The following CENPT variants were observed in gnomAD, a reference collection of about 807,000 sequenced individuals.
CENPT encodes the protein interphase centromere complex protein 22.
CENPT carries 42 observed loss-of-function variants against 59.7 expected under a neutral mutation model. That is an observed-to-expected ratio of 0.70 (90% CI 0.55 to 0.91). CENPT has a LOEUF of 0.91. Among genes scored for constraint, CENPT ranks in the 40% least tolerant of loss-of-function variants. The probability of loss-of-function intolerance (pLI) is 0.00; values close to 1 mark genes in which losing one functional copy is unlikely to be tolerated. For missense variants in CENPT, 716 were observed against 713.4 expected (o/e 1.00, Z -0.04); for synonymous variants, 295 against 289.6 (o/e 1.02, Z -0.19).
At chr16:67,835,814 A>G (rs567488769) in intron 1 of CENPT, among the ~76,000 whole-genome samples, 156 bp from the exon 2 acceptor site, 4 of 152,128 alleles carry the variant, frequency 2.6e-5, no homozygotes, top group Non-Finnish European at 5.9e-5. Context: ...TTCCATGGTT[A>G]CTACCTAAAT....
intron 1 of CENPT, among the ~76,000 whole-genome samples, chr16:67,845,346 C>T (rs2057790136): frequency 6.6e-6 from 1 of 152,182 alleles, no homozygotes. Context: ...AAACTCAAGT[C>T]TCTGTTTCCC....
Position 67,828,597 on chromosome 16 carries a change from T to C in CENPT, c.1458-19A>G. ...ATCTAGGCTGTCAAGAAGGTGGGGATAGAGCAGGCTGAACAGTCTGATCAT... is the reference window on the plus strand; with the variant it reads ...ATCTAGGCTGTCAAGAAGGTGGGGACAGAGCAGGCTGAACAGTCTGATCAT... On this transcript the variant is annotated intron_variant, in intron 14 of 15. Transcript: ENST00000562787. The C allele has an allele frequency of 6.2e-7, 1 of 1,613,946 alleles. No homozygotes were observed. The highest frequency in any genetic ancestry group is 8.5e-7 in the Non-Finnish European group (1 of 1,179,832).
At chr16:67,830,925 G>A (rs2151284705) in intron 10 of CENPT, 2 of 527,836 alleles carry the variant, frequency 3.8e-6, no homozygotes, top group South Asian at 2.4e-5. Context: ...GAATTGGCCA[G>A]CTGATCCTGA....
intron 13 of CENPT, chr16:67,829,182 G>C (rs2057650764): frequency 1.9e-6 from 1 of 516,364 alleles, no homozygotes; most frequent in Non-Finnish European, 3.4e-6. Context: ...TCGTCTTCCA[G>C]GAAGCCTTTT....
At chr16:67,840,927 A>G (rs539238623) in intron 1 of CENPT, among the ~76,000 whole-genome samples, 3 of 150,750 alleles carry the variant, frequency 2.0e-5, no homozygotes, top group East Asian at 1.9e-4. Context: ...TGGGAGGCCG[A>G]GGCGAGCAGA....
chr16:67,841,732 T>C (rs2057762545), intron 1 of CENPT: 2 of 152,236 alleles, frequency 1.3e-5, no homozygotes, highest in African/African-American at 2.4e-5. Context: ...CTGGAGACTT[T>C]GTTTAGATCA....
rs898980268 is a variant in CENPT, at chr16:67,847,506, C to A, written c.-597G>T. 6.6e-6 allele frequency: 1 copy of A among 152,410 alleles called. No homozygotes were observed. 9.4% of individuals were successfully genotyped at this position (152,410 alleles called of 1,614,324 possible). A position where few individuals can be genotyped will look rare whatever the true frequency, so the allele number is the denominator to read the frequency against. On this transcript the variant is annotated 5_prime_UTR_variant, in exon 1 of 16. Coordinates refer to ENST00000562787, the MANE Select transcript of CENPT (RefSeq NM_025082.4). Reference sequence around the variant, plus strand: ...CGGGGCTTGGGCCCCTCACCCTGTTCCCGACCATAGCCCGGCCGGGGTGTA... The same window carrying A: ...CGGGGCTTGGGCCCCTCACCCTGTTACCGACCATAGCCCGGCCGGGGTGTA...
Position 67,829,486 on chromosome 16 carries a change from T to G in CENPT, c.1217A>C (p.Glu406Ala). ...ASPESASSTP[E>A]SLQARRHHQF... is the part of the protein sequence containing the mutation. ...ATGATGTCGCCTGGCCTGGAGAGACTCAGGGGTGCTGGAGGCCGACTCTGG... is the reference window on the plus strand; with the variant it reads ...ATGATGTCGCCTGGCCTGGAGAGACGCAGGGGTGCTGGAGGCCGACTCTGG... Residue 406 changes from glutamate (E) to alanine (A), a missense_variant, in exon 13 of 16, where the codon GAG becomes GCG. Transcript: ENST00000562787. The G allele has an allele frequency of 6.3e-7, 1 of 1,593,000 alleles. No homozygotes were observed. Among genetic ancestry groups the G allele is most frequent in the Non-Finnish European group, 8.5e-7 (1 of 1,174,700 alleles).
chr16:67,842,787 C>G lies in CENPT; in HGVS notation c.-492+4614G>C. On this transcript the variant is annotated intron_variant, in intron 1 of 15. Transcript: ENST00000562787. The surrounding 1 kb of genome is among the most constrained non-coding windows in gnomAD (Gnocchi z 4.9). ...AAGACCTACACGGTACGCGTCCCCACCATCTTCCCGCTGCGCGGCGTCAAT... is the reference window on the plus strand; with the variant it reads ...AAGACCTACACGGTACGCGTCCCCAGCATCTTCCCGCTGCGCGGCGTCAAT... The G allele has an allele frequency of 1.2e-6, 2 of 1,611,320 alleles. No individual in the cohort carries two copies. The highest frequency in any genetic ancestry group is 1.7e-5 in the Admixed American group (1 of 59,764).
rs1437342140 is a variant in CENPT at position 67,843,638 on chromosome 16, C to T, written c.-492+3763G>A. 4.8e-6 allele frequency: 4 copies of T among 835,050 alleles called. No individual in the cohort carries two copies. The African/African-American group carries it at 6.9e-5, about 14-fold the overall frequency. 51.7% of individuals were successfully genotyped at this position (835,050 alleles called of 1,614,324 possible). A position where few individuals can be genotyped will look rare whatever the true frequency, so the allele number is the denominator to read the frequency against. On this transcript the variant is annotated intron_variant, in intron 1 of 15. Coordinates refer to ENST00000562787, the MANE Select transcript of CENPT (RefSeq NM_025082.4). The surrounding 1 kb of genome is among the most constrained non-coding windows in gnomAD (Gnocchi z 5.7). ...GGCAGCTGGACTCTCTTGCTGGTGA[C>T]CTGGCATCCTCAATTGTTTCCTCCT...
chr16:67,839,372 A>C (rs1598148155), intron 1 of CENPT, among the ~76,000 whole-genome samples: 3 of 130,766 alleles, frequency 2.3e-5, no homozygotes, highest in East Asian at 2.2e-4. Context: ...CAAGAACAAA[A>C]CTCCACCTCA....
At chr16:67,835,721 A>G (rs530495156) in intron 1 of CENPT, 63 bp from the exon 2 acceptor site, 13 of 152,332 alleles carry the variant, frequency 8.5e-5, no homozygotes, top group Non-Finnish European at 1.2e-4. Flanking sequence ...AGAACTGTAG[A>G]GAAAAAGCTA....
rs190213128 is a variant in CENPT at position 67,840,920 on chromosome 16, G to A, written c.-491-5262C>T. On this transcript the variant is annotated intron_variant, in intron 1 of 15. Transcript: ENST00000562787. ...CACGCCTGTAATCCTAGCACTTTGG[G>A]AGGCCGAGGCGAGCAGATTGCCTGA... Among the ~76,000 whole-genome samples the A allele has an allele frequency of 7.5e-3, 1,132 of 150,934 alleles. 8 individuals are homozygous for A. The highest frequency in any genetic ancestry group is 0.021 in the African/African-American group (862 of 41,056).
chr16:67,841,010 C>CATACAT (rs1256263734), intron 1 of CENPT, among the ~76,000 whole-genome samples: 19 of 109,380 alleles, frequency 1.7e-4, no homozygotes, highest in South Asian at 1.0e-3. Flanking sequence ...ATACAAAATA[C>CATACAT]ATATATATAT....
At chr16:67,829,397 T>G in intron 13 of CENPT, 26 bp downstream of exon 13, 2 of 1,559,834 alleles carry the variant, frequency 1.3e-6, no homozygotes, top group Non-Finnish European at 1.7e-6. Context: ...AAGAGGCCCA[T>G]GAGGAATGGG....
chr16:67,830,481 G>T lies in CENPT; in HGVS notation c.771C>A (p.Ser257=). The T allele has an allele frequency of 6.2e-7, 1 of 1,614,164 alleles. No homozygotes were observed. The highest frequency in any genetic ancestry group is 8.5e-7 in the Non-Finnish European group (1 of 1,180,016). ...CCCCAGTGTGAGGCGTGCAGGGCAG[G>T]GAGTGATACACGTTGGGGGAGCCAA... ...PMVGSPNVYH[S]LPCTPHTGAE... is the part of the protein sequence containing the mutation. The change falls in exon 11 of 16, where the codon TCC becomes TCA. Residue 257 remains serine, a synonymous_variant. Transcript: ENST00000562787.
At position 67,832,498 on chromosome 16, in the gene CENPT, C is replaced by T; in HGVS notation, c.158G>A (p.Gly53Asp). ...CCCTCTGGCTATCGTCCTTGTTTGG[C>T]CACTCAACTTCCTGGGGGAAGCCGT... ...LETASPRKLS[G>D]QTRTIARGRS... is the part of the protein sequence containing the mutation. The change falls in exon 5 of 16, where the codon GGC (glycine) becomes GAC (aspartate). Residue 53 changes from glycine to aspartate, a missense_variant. Coordinates refer to ENST00000562787, the MANE Select transcript of CENPT (RefSeq NM_025082.4). The T allele has an allele frequency of 6.8e-6, 11 of 1,614,174 alleles. No homozygotes were observed. The highest frequency in any genetic ancestry group is 9.3e-6 in the Non-Finnish European group (11 of 1,180,022).
chr16:67,836,915 G>C (rs2057737596), intron 1 of CENPT, among the ~76,000 whole-genome samples: 1 of 152,090 alleles, frequency 6.6e-6, no homozygotes, highest in African/African-American at 2.4e-5. Flanking sequence ...CTAATTTTTT[G>C]TATTTTTAGT....
At chr16:67,844,437 C>CAG (rs2057783943) in intron 1 of CENPT, among the ~76,000 whole-genome samples, 1 of 152,210 alleles carries the variant, frequency 6.6e-6, no homozygotes, top group Non-Finnish European at 1.5e-5. Flanking sequence ...CCAGTTTGTC[C>CAG]ATGGATTATC....
Sources: allele counts gnomAD v4.1 joint callset (sites outside exome capture counted in the v4.1 genomes callset), GRCh38; gene constraint gnomAD v4.1.1; non-coding constraint Gnocchi (gnomAD v3.1); transcripts MANE v1.5; gene names NCBI Gene and HGNC (gene_info 2026-07-23, HGNC 2026-07-21).